Variants in ATXN7L1 observed in about 807,000 individuals in gnomAD.
The protein encoded by ATXN7L1 is ataxin-7-like protein 1.
In ATXN7L1, 15 loss-of-function variants were observed where a neutral mutation model predicts 70.8. That is an observed-to-expected ratio of 0.21 (90% confidence interval 0.14 to 0.33). The LOEUF is 0.33. Ranked by LOEUF, ATXN7L1 falls within the 10% of genes least tolerant of loss-of-function variation. ATXN7L1 has a pLI of 1.00. For synonymous variants in ATXN7L1, 440 were observed against 445.1 expected, an observed-to-expected ratio of 0.99 and a Z score of 0.14; for missense variants, 975 against 1,097.1, an observed-to-expected ratio of 0.89 and a Z score of 1.57.
chr7:105,607,473 C>T lies in ATXN7L1; in HGVS notation c.*379G>A, dbSNP rs545695904. ...CTCTGCCTGTGCTACAGTTCAAGAG[C>T]TTCAGAGCATGCCAACCTGGAACCA... On this transcript the variant is annotated 3_prime_UTR_variant, in exon 12 of 12. Coordinates refer to ENST00000419735, the MANE Select transcript of ATXN7L1 (RefSeq NM_020725.2). 3.6e-5 allele frequency: 9 copies of T among 246,664 alleles called. 1 individual carries two copies. The South Asian group carries it at 5.6e-4, about 15-fold the overall frequency. 15.3% of individuals were successfully genotyped at this position (246,664 alleles called of 1,614,324 possible). A position where few individuals can be genotyped will look rare whatever the true frequency, so the allele number is the denominator to read the frequency against.
chr7:105,790,674 A>ACTATCTATCTATCTATCTATCTAT (rs3036755), intron 2 of ATXN7L1, among the ~76,000 whole-genome samples: 28 of 113,308 alleles, frequency 2.5e-4, no homozygotes, highest in East Asian at 1.5e-3. Flanking sequence ...CTATCTATCT[A>ACTATCTATCTATCTATCTATCTAT]CTATCTATCT....
At chr7:105,783,549 G>A (rs972158413) in intron 3 of ATXN7L1, among the ~76,000 whole-genome samples, 3 of 152,122 alleles carry the variant, frequency 2.0e-5, no homozygotes, top group Non-Finnish European at 4.4e-5. Context: ...AACCAATCAT[G>A]CATGGAACCT....
chr7:105,858,278 T>C (rs1434705118), intron 2 of ATXN7L1, among the ~76,000 whole-genome samples: 2 of 152,200 alleles, frequency 1.3e-5, no homozygotes, highest in Non-Finnish European at 1.5e-5. Flanking sequence ...AGTGTTCAAC[T>C]ACTTACTATG....
chr7:105,677,560 T>C (rs1804874951), intron 3 of ATXN7L1, among the ~76,000 whole-genome samples: 1 of 152,196 alleles, frequency 6.6e-6, no homozygotes, highest in Admixed American at 6.5e-5. Context: ...GAGCACTCAC[T>C]CTATTCACTG....
Position 105,666,874 on chromosome 7 carries a change from G to A in ATXN7L1, c.356-1586C>T, listed in dbSNP as rs551022299. 3.3e-5 allele frequency among the ~76,000 whole-genome samples: 5 copies of A among 152,278 alleles called. No individual in the cohort carries two copies. In the South Asian group the frequency reaches 8.3e-4, roughly 25 times the overall value. On this transcript the variant is annotated intron_variant, in intron 3 of 11. Coordinates refer to ENST00000419735, the MANE Select transcript of ATXN7L1 (RefSeq NM_020725.2). Reference sequence around the variant, plus strand: ...GGAGACCTGGGCTCCCACTCCAACCGCATATACACAGTATTAGGCTCGTGG... The same window carrying A: ...GGAGACCTGGGCTCCCACTCCAACCACATATACACAGTATTAGGCTCGTGG...
intron 3 of ATXN7L1, among the ~76,000 whole-genome samples, chr7:105,729,430 CTTT>C (rs34133732): frequency 3.5e-4 from 45 of 130,270 alleles, no homozygotes; most frequent in Admixed American, 3.8e-4. Flanking sequence ...ATCCCTACTT[CTTT>C]TTTTTTTTTT....
chr7:105,776,865 G>A (rs1201841828), intron 3 of ATXN7L1, among the ~76,000 whole-genome samples: 6 of 152,134 alleles, frequency 3.9e-5, no homozygotes, highest in South Asian at 2.1e-4. Flanking sequence ...TGCCTGCCAG[G>A]TTCAAGCGAT....
At chr7:105,779,414 T>C (rs905780361) in intron 3 of ATXN7L1, among the ~76,000 whole-genome samples, 1 of 152,236 alleles carries the variant, frequency 6.6e-6, no homozygotes, top group African/African-American at 2.4e-5. Context: ...CAGCATTAAC[T>C]TTAATTTGAG....
rs149130348 is a variant in ATXN7L1 at position 105,614,919 on chromosome 7, G to A, written c.1518-103C>T. 1.9e-4 allele frequency: 252 copies of A among 1,337,080 alleles called. 1 individual carries two copies. Among genetic ancestry groups the A allele is most frequent in the Non-Finnish European group, 2.3e-4 (232 of 992,378 alleles). 82.8% of individuals were successfully genotyped at this position (1,337,080 alleles called of 1,614,324 possible). A position where few individuals can be genotyped will look rare whatever the true frequency, so the allele number is the denominator to read the frequency against. On this transcript the variant is annotated intron_variant, in intron 9 of 11. Coordinates refer to ENST00000419735, the MANE Select transcript of ATXN7L1 (RefSeq NM_020725.2). This position sits in a 1 kb window ranked among gnomAD's most constrained non-coding sequence, Gnocchi z 4.3. Reference sequence around the variant, plus strand: ...GGATCAGGGCTACAGAGGACACCCCGGCAGAACCAGACTATGGAGAATGGA... The same window carrying A: ...GGATCAGGGCTACAGAGGACACCCCAGCAGAACCAGACTATGGAGAATGGA...
chr7:105,716,766 G>C (rs1438262437), intron 3 of ATXN7L1, among the ~76,000 whole-genome samples: 1 of 149,802 alleles, frequency 6.7e-6, no homozygotes, highest in African/African-American at 2.5e-5. Context: ...TGTAGTCCCA[G>C]CTACTTGAGG....
At position 105,614,591 on chromosome 7, in the gene ATXN7L1, G is replaced by C; in HGVS notation, c.1743C>G (p.Thr581=). 1 of 1,551,846 alleles carries C rather than the reference G, an allele frequency of 6.4e-7. No individual in the cohort carries two copies. Among genetic ancestry groups the C allele is most frequent in the South Asian group, 1.2e-5 (1 of 84,018 alleles). The change falls in exon 10 of 12, where the codon ACC becomes ACG. Residue 581 remains threonine, a synonymous_variant. Transcript: ENST00000419735. The surrounding 1 kb of genome is among the most constrained non-coding windows in gnomAD (Gnocchi z 4.3). ...SPDPSALMSH[T]TAFPHVAATL... ...TTGCGGCCACATGAGGGAAAGCTGT[G>C]GTGTGGGACATGAGGGCGCTCGGGT...
chr7:105,751,381 G>A (rs1370773398), intron 3 of ATXN7L1, among the ~76,000 whole-genome samples: 2 of 152,174 alleles, frequency 1.3e-5, no homozygotes, highest in Non-Finnish European at 2.9e-5. Flanking sequence ...GAAAGGCTGG[G>A]GTGTAGTGGC....
At chr7:105,699,091 A>C (rs1048412172) in intron 3 of ATXN7L1, among the ~76,000 whole-genome samples, 2 of 152,222 alleles carry the variant, frequency 1.3e-5, no homozygotes, top group Non-Finnish European at 2.9e-5. Flanking sequence ...TTGTAGCCAC[A>C]GTGGAACAGG....
chr7:105,651,147 G>T (rs1407256262), intron 4 of ATXN7L1, among the ~76,000 whole-genome samples: 1 of 152,194 alleles, frequency 6.6e-6, no homozygotes, highest in Non-Finnish European at 1.5e-5. Context: ...GCTGGTTTCA[G>T]TCCTGCCTTG....
At chr7:105,725,021 T>C (rs532643843) in intron 3 of ATXN7L1, among the ~76,000 whole-genome samples, 1 of 152,218 alleles carries the variant, frequency 6.6e-6, no homozygotes, top group South Asian at 2.1e-4. Flanking sequence ...CCTATAAAGA[T>C]TGGTACTACC....
intron 3 of ATXN7L1, among the ~76,000 whole-genome samples, chr7:105,776,563 C>T (rs1001802679): frequency 1.3e-5 from 2 of 151,956 alleles, no homozygotes; most frequent in Non-Finnish European, 2.9e-5. Flanking sequence ...ATCCAGCACT[C>T]CTTGTGTGGA....
chr7:105,873,430 C>T (rs1262365875), intron 2 of ATXN7L1, among the ~76,000 whole-genome samples: 1 of 152,142 alleles, frequency 6.6e-6, no homozygotes, highest in African/African-American at 2.4e-5. Context: ...GTTGATCACT[C>T]CAAAAAGAGG....
In ATXN7L1 at chr7:105,610,801, C is replaced by A. The variant is rs1266280842; in HGVS notation, c.2473-198G>T. ...GAGGGTGCCTTGAGGGATGCCCTCT[C>A]CTTCCCAGAGGAAAAGTAGAATTGT... On this transcript the variant is annotated intron_variant, in intron 10 of 11. Transcript: ENST00000419735. Among the ~76,000 whole-genome samples, 4 of 152,374 alleles carry A rather than the reference C, an allele frequency of 2.6e-5. No homozygotes were observed. The East Asian group carries it at 7.7e-4, about 29-fold the overall frequency.
intron 11 of ATXN7L1, 27 bp downstream of exon 11, chr7:105,610,502 G>GGGCCCC: frequency 1.3e-6 from 2 of 1,525,638 alleles, no homozygotes. Context: ...ATGAATTTTT[G>GGGCCCC]CCCCACCCCC....
Sources: allele counts gnomAD v4.1 joint callset (sites outside exome capture counted in the v4.1 genomes callset), GRCh38; gene constraint gnomAD v4.1.1; non-coding constraint Gnocchi (gnomAD v3.1); transcripts MANE v1.5; gene names NCBI Gene and HGNC (gene_info 2026-07-23, HGNC 2026-07-21).